BAZ2A: variants seen among roughly 807,000 people sequenced by gnomAD.
BAZ2A encodes the protein bromodomain adjacent to zinc finger domain 2A, also known as bromodomain adjacent to zinc finger domain protein 2A.
Under a neutral mutation model 199.9 loss-of-function variants are expected in BAZ2A, and 34 were observed. That is an observed-to-expected ratio of 0.17 (90% CI 0.13 to 0.23). The LOEUF (loss-of-function observed/expected upper bound fraction) is 0.23, where lower values mean the gene tolerates loss of function less well. Ranked by LOEUF, BAZ2A falls within the 10% of genes least tolerant of loss-of-function variation. BAZ2A has a pLI of 1.00. For missense variants in BAZ2A, 2,002 were observed against 2,391.1 expected (o/e 0.84, Z 3.39); for synonymous variants, 857 against 883.9 (o/e 0.97, Z 0.54).
Position 56,609,862 on chromosome 12 carries a change from T to C in BAZ2A, c.1966A>G (p.Thr656Ala), listed in dbSNP as rs768492954. Residue 656 changes from threonine (T) to alanine (A), a missense_variant, in exon 10 of 29, where the codon ACT becomes GCT. Thr to Ala is a moderately conservative substitution (Grantham distance 58, BLOSUM62 0). Coordinates refer to ENST00000549884, the MANE Select transcript of BAZ2A (RefSeq NM_001300905.2). ...ACTTCCTTAGTCTTAGCCTTCTCAG[T>C]GTTTCGAGGTCGACCCCGTTTGCCA... ...ITGKRGRPRNTEKAKTKEVPK... is the reference protein window; with the variant it reads ...ITGKRGRPRNAEKAKTKEVPK... The C allele has an allele frequency of 6.2e-7, 1 of 1,613,692 alleles. No individual in the cohort carries two copies. The highest frequency in any genetic ancestry group is 1.7e-5 in the Admixed American group (1 of 60,008).
At chr12:56,631,279 G>A (rs1415867624), upstream of BAZ2A, among the ~76,000 whole-genome samples, 2 of 151,530 alleles carry the variant, frequency 1.3e-5, no homozygotes. Context: ...GATGAAACCC[G>A]GTCTCTACTA....
chr12:56,638,283 T>G, upstream of BAZ2A: 1 of 1,549,706 alleles, frequency 6.5e-7, no homozygotes, highest in Non-Finnish European at 8.9e-7. Flanking sequence ...CTTTTTGGGT[T>G]AGGGGCAAGG....
intron 10 of BAZ2A, among the ~76,000 whole-genome samples, chr12:56,607,994 C>T (rs751600770): frequency 1.0e-4 from 15 of 149,602 alleles, no homozygotes; most frequent in Admixed American, 6.0e-4. Context: ...GCAGGAGAAT[C>T]GCTTAAACCT....
chr12:56,603,306 C>T, intron 18 of BAZ2A, 53 bp downstream of exon 18: 1 of 1,555,562 alleles, frequency 6.4e-7, no homozygotes, highest in Non-Finnish European at 8.8e-7. Context: ...AGAAGCTGAT[C>T]AATTCTTGCC....
intron 7 of BAZ2A, chr12:56,611,295 C>G (rs141567175): frequency 1.4e-4 from 76 of 530,036 alleles, no homozygotes; most frequent in African/African-American, 8.2e-4. Flanking sequence ...GATGTGAGCC[C>G]TAGGGTTTGG....
At chr12:56,625,875 C>CAAAAAA (rs748737235) in intron 1 of BAZ2A, among the ~76,000 whole-genome samples, 7 of 54,940 alleles carry the variant, frequency 1.3e-4, no homozygotes, top group Non-Finnish European at 2.0e-4. Context: ...AACTCCGTCT[C>CAAAAAA]AAAAAAAAAA....
chr12:56,613,223 A>G lies in BAZ2A; in HGVS notation c.927T>C (p.Ser309=), dbSNP rs1365206896. The G allele has an allele frequency of 1.2e-6, 2 of 1,614,002 alleles. No individual in the cohort carries two copies. Among genetic ancestry groups the G allele is most frequent in the South Asian group, 2.2e-5 (2 of 91,086 alleles). The change falls in exon 5 of 29, where the codon AGT becomes AGC. Residue 309 remains serine, a synonymous_variant. Transcript: ENST00000549884. ...PFNSLAPEPV[S]GGLYGIDDTE... Reference sequence around the variant, plus strand: ...TGTCATCAATACCATATAGTCCTCCACTCACTGGCTCTGTTTACAAGGGTA... The same window carrying G: ...TGTCATCAATACCATATAGTCCTCCGCTCACTGGCTCTGTTTACAAGGGTA...
upstream of BAZ2A, chr12:56,630,895 T>C (rs1951292314): frequency 1.0e-6 from 1 of 979,026 alleles, no homozygotes; most frequent in Admixed American, 6.2e-5. Context: ...GGTTCGGCTC[T>C]GGAACCAGAC....
chr12:56,634,548 C>A (rs1246972574), upstream of BAZ2A, among the ~76,000 whole-genome samples: 1 of 152,174 alleles, frequency 6.6e-6, no homozygotes, highest in Admixed American at 6.5e-5. Flanking sequence ...CCCCGCCCCC[C>A]TTACTACGGG....
chr12:56,601,702 C>T lies in BAZ2A; in HGVS notation c.3915G>A (p.Glu1305=), dbSNP rs748500544. The T allele has an allele frequency of 5.0e-6, 8 of 1,613,858 alleles. No homozygotes were observed. The highest frequency in any genetic ancestry group is 1.6e-4 in the Middle Eastern group (1 of 6,084). The change falls in exon 20 of 29, where the codon GAG becomes GAA. Residue 1305 remains glutamate (E), a synonymous_variant. Coordinates refer to ENST00000549884, the MANE Select transcript of BAZ2A (RefSeq NM_001300905.2). The stretch of plus-strand genomic sequence containing the variant: ...TGGATTCTGCCTCATCAGGCTCTGG[C>T]TCCTCCGGGGGTTGTGATGGAGCTG... The part of the protein sequence containing the change: ...LDPAPSQPPE[E]PEPDEAESSP...
chr12:56,604,978 G>A, intron 14 of BAZ2A, 95 bp downstream of exon 14: 2 of 1,475,936 alleles, frequency 1.4e-6, no homozygotes, highest in Non-Finnish European at 1.8e-6. Context: ...GAGTCAGGAA[G>A]AAAAAGAAAT....
chr12:56,612,367 G>T, intron 5 of BAZ2A, 121 bp from the exon 6 acceptor site: 1 of 849,062 alleles, frequency 1.2e-6, no homozygotes, highest in Non-Finnish European at 1.8e-6. Flanking sequence ...GTCTTCCCTA[G>T]GGTTGGAAAA....
intron 1 of BAZ2A, among the ~76,000 whole-genome samples, chr12:56,625,817 A>G (rs1259452183): frequency 7.1e-6 from 1 of 140,984 alleles, no homozygotes; most frequent in Non-Finnish European, 1.5e-5. Flanking sequence ...CGGAGCTTGC[A>G]GTGAGTCGAG....
At chr12:56,629,369 G>A (rs1246467672) in intron 1 of BAZ2A, among the ~76,000 whole-genome samples, 3 of 152,188 alleles carry the variant, frequency 2.0e-5, no homozygotes, top group Non-Finnish European at 2.9e-5. Flanking sequence ...GGATGATGCG[G>A]TATCATCTTT....
In BAZ2A at chr12:56,615,302, A is replaced by G; in HGVS notation, c.442T>C (p.Trp148Arg). The G allele has an allele frequency of 6.2e-7, 1 of 1,613,968 alleles. No individual in the cohort carries two copies. The highest frequency in any genetic ancestry group is 8.5e-7 in the Non-Finnish European group (1 of 1,179,872). Residue 148 changes from tryptophan (W) to arginine (R), a missense_variant, in exon 3 of 29, where the codon TGG (tryptophan) becomes CGG (arginine). By Grantham distance (101) the Trp-to-Arg change is moderately radical. Coordinates refer to ENST00000549884, the MANE Select transcript of BAZ2A (RefSeq NM_001300905.2). ...TNLRAGSQEF[W>R]ANGTQSPMGL... ...ATGGGACTCTGGGTACCGTTGGCCC[A>G]GAACTCTTGGCTCCCAGCCCGAAGG...
intron 1 of BAZ2A, among the ~76,000 whole-genome samples, chr12:56,626,684 T>A (rs576020707): frequency 2.0e-5 from 3 of 152,230 alleles, no homozygotes; most frequent in African/African-American, 7.2e-5. Context: ...AATTCAATCA[T>A]GTATCAAATG....
intron 10 of BAZ2A, 146 bp downstream of exon 10, chr12:56,609,590 T>C: frequency 1.1e-6 from 1 of 950,720 alleles, no homozygotes; most frequent in African/African-American, 1.6e-5. Flanking sequence ...ACTAGGATGC[T>C]GGATTCCAAG....
At chr12:56,616,093 G>A (rs1031158255) in intron 2 of BAZ2A, among the ~76,000 whole-genome samples, 3 of 152,004 alleles carry the variant, frequency 2.0e-5, no homozygotes, top group Non-Finnish European at 4.4e-5. Context: ...CAGTAGAGAC[G>A]GGGTTTTACC....
Position 56,600,002 on chromosome 12 carries a change from C to T in BAZ2A, c.4987G>A (p.Glu1663Lys), listed in dbSNP as rs778688472. 3.1e-6 allele frequency: 5 copies of T among 1,614,050 alleles called. No homozygotes were observed. The highest frequency in any genetic ancestry group is 3.3e-4 in the Middle Eastern group (2 of 6,062). Residue 1663 changes from glutamate to lysine, a missense_variant, in exon 25 of 29, where the codon GAG becomes AAG. Transcript: ENST00000549884. ...AQVCLCLGQL[E>K]RSIAWEKSVN... ...GACTTCTCCCAGGCAATGGACCTCT[C>T]CAGCTGGCCCAGGCACAAGCACACC...
Sources: allele counts gnomAD v4.1 joint callset (sites outside exome capture counted in the v4.1 genomes callset), GRCh38; gene constraint gnomAD v4.1.1; transcripts MANE v1.5; gene names NCBI Gene and HGNC (gene_info 2026-07-23, HGNC 2026-07-21).